CUL3: variants seen among roughly 807,000 people sequenced by gnomAD.
CUL3 encodes cullin 3, also known as cullin-3.
CUL3 carries 19 observed loss-of-function variants against 89.1 expected under a neutral mutation model. The ratio of observed to expected loss-of-function variants is 0.21; its 90% CI spans 0.15 to 0.31. The LOEUF (loss-of-function observed/expected upper bound fraction) is 0.31. Among genes scored for constraint, CUL3 ranks in the 10% least tolerant of loss-of-function variants. The pLI, the probability that CUL3 is intolerant of heterozygous loss-of-function variation, is 1.00. For synonymous variants in CUL3, 351 were observed against 308.4 expected, an observed-to-expected ratio of 1.14 and a Z score of -1.45; for missense variants, 469 against 942.3, an observed-to-expected ratio of 0.50 and a Z score of 6.58.
chr2:224,509,575 A>G (rs1208430679), intron 6 of CUL3, among the ~76,000 whole-genome samples: 1 of 152,176 alleles, frequency 6.6e-6, no homozygotes, highest in Non-Finnish European at 1.5e-5. Context: ...GTTGTTGGAA[A>G]CCTAAGGTAC....
At position 224,555,393 on chromosome 2, in the gene CUL3, TCTC is replaced by T. The variant is rs542859053; in HGVS notation, c.264+2263_264+2265del. On this transcript the variant is annotated intron_variant, in intron 2 of 15. Transcript: ENST00000264414. ...ACTTTACCCAGATCTTTCCAGGTCTTCTCCTGATTTTATAAACCTCCTCTCAAT... is the reference window on the plus strand; with the variant it reads ...ACTTTACCCAGATCTTTCCAGGTCTTCTGATTTTATAAACCTCCTCTCAAT... 1.3e-4 allele frequency among the ~76,000 whole-genome samples: 20 copies of T among 152,274 alleles called. No individual in the cohort carries two copies. The South Asian group carries it at 3.9e-3, about 30-fold the overall frequency.
chr2:224,541,889 G>T (rs1694120779), intron 2 of CUL3, among the ~76,000 whole-genome samples: 1 of 152,094 alleles, frequency 6.6e-6, no homozygotes, highest in Admixed American at 6.5e-5. Flanking sequence ...GTGGTTGTCA[G>T]GAACTAGGGG....
At chr2:224,509,736 T>G (rs544538946) in intron 6 of CUL3, among the ~76,000 whole-genome samples, 1 of 152,244 alleles carries the variant, frequency 6.6e-6, no homozygotes, top group Non-Finnish European at 1.5e-5. Context: ...AACCTCTCCA[T>G]CAAACATTTC....
intron 15 of CUL3, among the ~76,000 whole-genome samples, chr2:224,474,929 A>G (rs1398071269): frequency 1.3e-5 from 2 of 152,186 alleles, no homozygotes; most frequent in African/African-American, 4.8e-5. Flanking sequence ...GTACTGTGCT[A>G]TATATAATAA....
chr2:224,475,145 G>A (rs1691268749), intron 15 of CUL3, among the ~76,000 whole-genome samples: 1 of 152,126 alleles, frequency 6.6e-6, no homozygotes, highest in Non-Finnish European at 1.5e-5. Context: ...AGCCTCCTGA[G>A]TAGCTGGGAC....
chr2:224,520,889 C>T (rs927376273), intron 3 of CUL3, among the ~76,000 whole-genome samples: 7 of 152,184 alleles, frequency 4.6e-5, no homozygotes, highest in African/African-American at 1.7e-4. Flanking sequence ...AAATTCAGCA[C>T]ATAAAAGTAT....
chr2:224,581,328 G>T (rs1016113189), intron 1 of CUL3, among the ~76,000 whole-genome samples: 1 of 151,172 alleles, frequency 6.6e-6, no homozygotes, highest in South Asian at 2.1e-4. Flanking sequence ...CCCAGGAGGC[G>T]GAGGTTGCAG....
At chr2:224,555,848 T>C (rs1000391143) in intron 2 of CUL3, among the ~76,000 whole-genome samples, 1 of 152,214 alleles carries the variant, frequency 6.6e-6, no homozygotes, top group Non-Finnish European at 1.5e-5. Flanking sequence ...AAGCCATTTA[T>C]TGCCTATGCA....
intron 13 of CUL3, among the ~76,000 whole-genome samples, chr2:224,493,857 T>C (rs1333362227): frequency 6.6e-6 from 1 of 152,164 alleles, no homozygotes; most frequent in Admixed American, 6.5e-5. Context: ...CCACCTCTGT[T>C]TGAAAAGCCT....
At chr2:224,571,550 A>G (rs568339319) in intron 1 of CUL3, among the ~76,000 whole-genome samples, 73 of 152,296 alleles carry the variant, frequency 4.8e-4, no homozygotes, top group Admixed American at 1.8e-3. Context: ...AATGATTCTA[A>G]CTGTAATCAA....
intron 11 of CUL3, among the ~76,000 whole-genome samples, chr2:224,498,396 C>T (rs1559347192): frequency 6.6e-6 from 1 of 151,902 alleles, no homozygotes. Context: ...TCACTATCCA[C>T]ACCATATTTT....
chr2:224,479,082 T>C (rs1691433593), intron 14 of CUL3: 1 of 152,188 alleles, frequency 6.6e-6, no homozygotes. Context: ...CTGCTCTGAA[T>C]GAAATAGCAG....
chr2:224,531,707 T>A (rs935509259), intron 3 of CUL3, among the ~76,000 whole-genome samples: 3 of 151,396 alleles, frequency 2.0e-5, no homozygotes, highest in African/African-American at 7.3e-5. Flanking sequence ...AAATATAAGG[T>A]AAGACATAAA....
intron 5 of CUL3, among the ~76,000 whole-genome samples, chr2:224,512,813 TTAGA>T (rs757206941): frequency 5.9e-5 from 9 of 152,200 alleles, no homozygotes; most frequent in Non-Finnish European, 1.0e-4. Context: ...ATTTATAATA[TTAGA>T]TATAGTAAAA....
At chr2:224,558,504 T>G (rs1394811892) in intron 1 of CUL3, among the ~76,000 whole-genome samples, 1 of 152,162 alleles carries the variant, frequency 6.6e-6, no homozygotes, top group African/African-American at 2.4e-5. Context: ...CCAACCGACC[T>G]GATTTTATGC....
chr2:224,583,195 T>C (rs2106329465), intron 1 of CUL3, among the ~76,000 whole-genome samples: 1 of 152,236 alleles, frequency 6.6e-6, no homozygotes, highest in South Asian at 2.1e-4. Flanking sequence ...CTGACCAACA[T>C]GGAGAAACCT....
chr2:224,569,856 G>T (rs1163800733), intron 1 of CUL3: 1 of 972,886 alleles, frequency 1.0e-6, no homozygotes, highest in Non-Finnish European at 1.2e-6. Flanking sequence ...GTGGGTGGGG[G>T]AAAGGGTGAG....
chr2:224,539,351 T>C (rs1364751691), intron 2 of CUL3, among the ~76,000 whole-genome samples: 1 of 152,204 alleles, frequency 6.6e-6, no homozygotes, highest in Non-Finnish European at 1.5e-5. Flanking sequence ...ACACTGCCAG[T>C]GGGAATGTAA....
intron 1 of CUL3, among the ~76,000 whole-genome samples, chr2:224,559,540 C>T (rs1694838624): frequency 6.6e-6 from 1 of 151,934 alleles, no homozygotes; most frequent in African/African-American, 2.4e-5. Flanking sequence ...CATCTAATCT[C>T]TCTTTCCATT....
Sources: gnomAD v4.1 joint callset for allele counts (sites outside exome capture counted in the v4.1 genomes callset) on GRCh38, gnomAD v4.1.1 for gene constraint, MANE v1.5 for transcripts, NCBI Gene and HGNC (gene_info 2026-07-23, HGNC 2026-07-21) for gene names.